ANKS1A: variants seen among roughly 807,000 people sequenced by gnomAD.
The protein encoded by ANKS1A is ankyrin repeat and SAM domain-containing protein 1A.
In ANKS1A, 55 loss-of-function variants were observed where a neutral mutation model predicts 120.3. That is an observed-to-expected ratio of 0.46 (90% confidence interval 0.37 to 0.57). The LOEUF (loss-of-function observed/expected upper bound fraction) is 0.57, where lower values mean the gene tolerates loss of function less well. ANKS1A is among the 20% of genes least tolerant of loss of function. ANKS1A has a pLI of 0.00. For missense variants in ANKS1A, 1,123 were observed against 1,480.3 expected, an observed-to-expected ratio of 0.76 and a Z score of 3.96; for synonymous variants, 590 against 604.7, an observed-to-expected ratio of 0.98 and a Z score of 0.36.
intron 11 of ANKS1A, among the ~76,000 whole-genome samples, chr6:35,029,043 T>G (rs1219994199): frequency 6.6e-6 from 1 of 152,232 alleles, no homozygotes; most frequent in Non-Finnish European, 1.5e-5. Context: ...GGTTAACAGA[T>G]TGGTAATGTT....
chr6:34,936,702 T>C, intron 1 of ANKS1A, among the ~76,000 whole-genome samples: 1 of 152,190 alleles, frequency 6.6e-6, no homozygotes, highest in Non-Finnish European at 1.5e-5. Context: ...CTCCCAAGGA[T>C]ATTCGGTTTC....
intron 1 of ANKS1A, among the ~76,000 whole-genome samples, chr6:34,921,801 G>A (rs1380671697): frequency 6.6e-6 from 1 of 152,152 alleles, no homozygotes; most frequent in Non-Finnish European, 1.5e-5. Flanking sequence ...GGGCTTAAGC[G>A]ATCCTCCCAC....
At chr6:35,016,095 C>T (rs1383787629) in intron 10 of ANKS1A, among the ~76,000 whole-genome samples, 6 of 152,196 alleles carry the variant, frequency 3.9e-5, no homozygotes, top group African/African-American at 1.2e-4. Flanking sequence ...TTTTAAGTAT[C>T]ATGCAGCCCA....
chr6:35,024,355 C>T (rs1164007156), intron 11 of ANKS1A, among the ~76,000 whole-genome samples: 1 of 152,202 alleles, frequency 6.6e-6, no homozygotes, highest in Non-Finnish European at 1.5e-5. Flanking sequence ...ACCAGATTAG[C>T]CTCTCACCTG....
intron 3 of ANKS1A, among the ~76,000 whole-genome samples, chr6:34,978,427 G>T (rs979757158): frequency 6.6e-6 from 1 of 152,176 alleles, no homozygotes; most frequent in African/African-American, 2.4e-5. Context: ...GTGTGACAGG[G>T]AAACATTCCA....
At chr6:35,041,237 C>A (rs1775442216) in intron 11 of ANKS1A, among the ~76,000 whole-genome samples, 1 of 152,158 alleles carries the variant, frequency 6.6e-6, no homozygotes, top group Non-Finnish European at 1.5e-5. Context: ...CTGAAGAGCC[C>A]TACCTCCTAG....
intron 10 of ANKS1A, chr6:35,005,920 G>C: frequency 3.2e-6 from 1 of 308,400 alleles, no homozygotes; most frequent in Non-Finnish European, 6.2e-6. Flanking sequence ...CGGGCGCGGT[G>C]GCTCATGCCT....
chr6:35,068,894 G>A (rs138218428), intron 13 of ANKS1A, among the ~76,000 whole-genome samples: 1,892 of 152,292 alleles, frequency 0.012, 18 homozygotes, highest in Middle Eastern at 0.024. Flanking sequence ...CGAGTGTAAA[G>A]TCTGGAGCTA....
chr6:34,908,901 G>C lies in ANKS1A; in HGVS notation c.197+19302G>C, dbSNP rs567964573. Among the ~76,000 whole-genome samples the C allele has an allele frequency of 1.9e-3, 295 of 151,858 alleles. 1 individual carries two copies. Among genetic ancestry groups the C allele is most frequent in the African/African-American group, 6.1e-3 (251 of 41,382 alleles). ...CTTTTATTAGTAAAGAAAAAAAAAA[G>C]AAAAATTATTGTACCACTAGAAATA... On this transcript the variant is annotated intron_variant, in intron 1 of 23. Coordinates refer to ENST00000360359, the MANE Select transcript of ANKS1A (RefSeq NM_015245.3).
Position 34,889,357 on chromosome 6 carries a change from C to G in ANKS1A, c.-46C>G. On this transcript the variant is annotated 5_prime_UTR_variant, in exon 1 of 24. Transcript: ENST00000360359. The surrounding 1 kb of genome is among the most constrained non-coding windows in gnomAD (Gnocchi z 5.5). Reference sequence around the variant, plus strand: ...GAAAGTTTGGGAGCCCGAGCAGGCTCGGCTGCAGCCTCGGGGAGGGGGTCC... The same window carrying G: ...GAAAGTTTGGGAGCCCGAGCAGGCTGGGCTGCAGCCTCGGGGAGGGGGTCC... The G allele has an allele frequency of 8.0e-7, 1 of 1,244,540 alleles. No individual in the cohort carries two copies. The highest frequency in any genetic ancestry group is 1.0e-6 in the Non-Finnish European group (1 of 995,972). 77.1% of individuals were successfully genotyped at this position (1,244,540 alleles called of 1,614,324 possible). A position where few individuals can be genotyped will look rare whatever the true frequency, so the allele number is the denominator to read the frequency against.
In ANKS1A at chr6:35,060,039, T is replaced by G. The variant is rs1776410869; in HGVS notation, c.2078-108T>G. On this transcript the variant is annotated intron_variant, in intron 12 of 23. Coordinates refer to ENST00000360359, the MANE Select transcript of ANKS1A (RefSeq NM_015245.3). The surrounding 1 kb of genome is among the most constrained non-coding windows in gnomAD (Gnocchi z 4.5). ...TCTTGTATATAGTTTGGCTGTTTGATGGTAATGACTATGATGTGGCAATGC... is the reference window on the plus strand; with the variant it reads ...TCTTGTATATAGTTTGGCTGTTTGAGGGTAATGACTATGATGTGGCAATGC... 3 of 846,028 alleles carry G rather than the reference T, an allele frequency of 3.5e-6. No individual in the cohort carries two copies. The highest frequency in any genetic ancestry group is 5.8e-6 in the Non-Finnish European group (3 of 520,828). 52.4% of individuals were successfully genotyped at this position (846,028 alleles called of 1,614,324 possible). A position where few individuals can be genotyped will look rare whatever the true frequency, so the allele number is the denominator to read the frequency against.
intron 10 of ANKS1A, among the ~76,000 whole-genome samples, chr6:34,997,381 A>T (rs1404063815): frequency 6.6e-6 from 1 of 151,774 alleles, no homozygotes; most frequent in Non-Finnish European, 1.5e-5. Flanking sequence ...TTTTTAGTAG[A>T]GATGGGGTTT....
chr6:34,997,754 A>C (rs1230501491), intron 10 of ANKS1A, among the ~76,000 whole-genome samples: 1 of 152,208 alleles, frequency 6.6e-6, no homozygotes, highest in South Asian at 2.1e-4. Flanking sequence ...AACCTTTGGA[A>C]GAAAGAAAAG....
chr6:34,926,604 G>C (rs552488092), intron 1 of ANKS1A, among the ~76,000 whole-genome samples: 2 of 152,154 alleles, frequency 1.3e-5, no homozygotes, highest in Non-Finnish European at 2.9e-5. Flanking sequence ...AGTGTGGTCT[G>C]TCTCTGTGCT....
chr6:34,933,316 A>G (rs1769083843), intron 1 of ANKS1A, among the ~76,000 whole-genome samples: 1 of 152,192 alleles, frequency 6.6e-6, no homozygotes, highest in Admixed American at 6.5e-5. Context: ...GACACTTGCT[A>G]TTAGTAATGG....
chr6:34,937,537 G>A (rs1769317676), intron 1 of ANKS1A, among the ~76,000 whole-genome samples: 1 of 152,124 alleles, frequency 6.6e-6, no homozygotes, highest in Admixed American at 6.6e-5. Flanking sequence ...CTATTGTGGA[G>A]GCTGCGGCCT....
chr6:35,075,350 C>T (rs1243987540), intron 13 of ANKS1A, among the ~76,000 whole-genome samples: 3 of 150,764 alleles, frequency 2.0e-5, no homozygotes, highest in African/African-American at 7.3e-5. Context: ...GCATAAAAGC[C>T]AAAAGATAAA....
At chr6:35,027,105 G>A (rs192861110) in intron 11 of ANKS1A, among the ~76,000 whole-genome samples, 20 of 152,260 alleles carry the variant, frequency 1.3e-4, no homozygotes, top group African/African-American at 4.1e-4. Flanking sequence ...CCAGGATCAC[G>A]AAGCAAAGGG....
Position 35,050,471 on chromosome 6 carries a change from C to A in ANKS1A, c.2011-3628C>A, listed in dbSNP as rs1581700891. Among the ~76,000 whole-genome samples, 2 of 152,254 alleles carry A rather than the reference C, an allele frequency of 1.3e-5. No individual in the cohort carries two copies. Among genetic ancestry groups the A allele is most frequent in the South Asian group, 4.1e-4 (2 of 4,834 alleles). On this transcript the variant is annotated intron_variant, in intron 11 of 23. Coordinates refer to ENST00000360359, the MANE Select transcript of ANKS1A (RefSeq NM_015245.3). The surrounding 1 kb of genome is among the most constrained non-coding windows in gnomAD (Gnocchi z 4.3). ...CATTACACTTAACCTGCCTCTTCCC[C>A]TGAAATGCAGACCATTTCTGGGAAA...
Sources: allele counts gnomAD v4.1 joint callset (sites outside exome capture counted in the v4.1 genomes callset), GRCh38; gene constraint gnomAD v4.1.1; non-coding constraint Gnocchi (gnomAD v3.1); transcripts MANE v1.5; gene names NCBI Gene and HGNC (gene_info 2026-07-23, HGNC 2026-07-21).